DLGAP1: variants seen among roughly 807,000 people sequenced by gnomAD.
DLGAP1 encodes DLG associated protein 1, also known as disks large-associated protein 1.
DLGAP1 carries 11 observed loss-of-function variants against 90.8 expected under a neutral mutation model. The ratio of observed to expected loss-of-function variants is 0.12; its 90% CI spans 0.08 to 0.20. The LOEUF (loss-of-function observed/expected upper bound fraction) is 0.20, where lower values mean the gene tolerates loss of function less well. Ranked by LOEUF, DLGAP1 falls within the 10% of genes least tolerant of loss-of-function variation. The probability of loss-of-function intolerance (pLI) is 1.00; values close to 1 mark genes in which losing one functional copy is unlikely to be tolerated. For missense variants in DLGAP1, 1,050 were observed against 1,333.8 expected (o/e 0.79, Z 3.31); for synonymous variants, 558 against 540.7 (o/e 1.03, Z -0.44).
In DLGAP1 at chr18:3,711,227, A is replaced by C. The variant is rs1293362695; in HGVS notation, c.1591+17908T>G. Among the ~76,000 whole-genome samples, 1 of 152,228 alleles carries C rather than the reference A, an allele frequency of 6.6e-6. No individual in the cohort carries two copies. Among genetic ancestry groups the C allele is most frequent in the East Asian group, 1.9e-4 (1 of 5,188 alleles). On this transcript the variant is annotated intron_variant, in intron 7 of 12. Coordinates refer to ENST00000315677, the MANE Select transcript of DLGAP1 (RefSeq NM_004746.4). This position sits in a 1 kb window ranked among gnomAD's most constrained non-coding sequence, Gnocchi z 4.0. ...TTGTTGTTTCAGGCATTTAAATCTG[A>C]TAAGAACTTGATAACTGGAGAGAAT...
chr18:4,167,942 T>C (rs1051926321), intron 1 of DLGAP1, among the ~76,000 whole-genome samples: 8 of 152,036 alleles, frequency 5.3e-5, no homozygotes, highest in African/African-American at 9.7e-5. Flanking sequence ...TAAAAGAAGA[T>C]TGAAATAAAT....
At chr18:3,921,447 T>C (rs2072267416) in intron 3 of DLGAP1, among the ~76,000 whole-genome samples, 1 of 152,194 alleles carries the variant, frequency 6.6e-6, no homozygotes, top group Non-Finnish European at 1.5e-5. Context: ...ACATGGAATG[T>C]AGACTCAGAA....
At chr18:3,506,617 A>G (rs978887565) in intron 11 of DLGAP1, among the ~76,000 whole-genome samples, 1 of 151,414 alleles carries the variant, frequency 6.6e-6, no homozygotes, top group Non-Finnish European at 1.5e-5. Flanking sequence ...TCTTTAAAAT[A>G]TGTACAATGT....
At chr18:4,442,356 G>A (rs1484986218) in intron 1 of DLGAP1, among the ~76,000 whole-genome samples, 1 of 152,116 alleles carries the variant, frequency 6.6e-6, no homozygotes, top group Non-Finnish European at 1.5e-5. Context: ...TTTACATAAT[G>A]TGCCTAGTGT....
intron 2 of DLGAP1, among the ~76,000 whole-genome samples, chr18:4,047,910 C>T (rs1037426849): frequency 6.6e-6 from 1 of 152,178 alleles, no homozygotes; most frequent in Non-Finnish European, 1.5e-5. Flanking sequence ...ATCCTCCCAC[C>T]TCAACCTCCC....
At chr18:4,197,635 A>G (rs2077525770) in intron 1 of DLGAP1, among the ~76,000 whole-genome samples, 2 of 152,214 alleles carry the variant, frequency 1.3e-5, no homozygotes, top group Non-Finnish European at 2.9e-5. Context: ...GTAATGTTTT[A>G]ATGGGATACA....
chr18:4,426,071 G>T (rs1021919758), intron 1 of DLGAP1, among the ~76,000 whole-genome samples: 3 of 152,074 alleles, frequency 2.0e-5, no homozygotes, highest in African/African-American at 7.3e-5. Context: ...ATGACACCCA[G>T]AACACTATAA....
At chr18:3,762,974 G>GGAT (rs200524624) in intron 5 of DLGAP1, among the ~76,000 whole-genome samples, 2,786 of 152,320 alleles carry the variant, frequency 0.018, 36 homozygotes, top group Non-Finnish European at 0.024. Flanking sequence ...AATCCTGCTA[G>GGAT]GATGCAGCCT....
chr18:3,560,709 T>C (rs996923783), intron 9 of DLGAP1, among the ~76,000 whole-genome samples: 1 of 151,144 alleles, frequency 6.6e-6, no homozygotes, highest in African/African-American at 2.5e-5. Flanking sequence ...CGGATTAACA[T>C]CTACCATATT....
intron 1 of DLGAP1, among the ~76,000 whole-genome samples, chr18:4,231,722 T>G (rs1451184882): frequency 6.6e-6 from 1 of 152,212 alleles, no homozygotes; most frequent in Non-Finnish European, 1.5e-5. Flanking sequence ...AAAACTTTCT[T>G]CATTTAAATC....
At chr18:3,703,177 G>A (rs2061333697) in intron 7 of DLGAP1, among the ~76,000 whole-genome samples, 1 of 152,166 alleles carries the variant, frequency 6.6e-6, no homozygotes, top group Non-Finnish European at 1.5e-5. Flanking sequence ...AATCTTTGAA[G>A]TGGTGTCAAG....
Position 4,409,539 on chromosome 18 carries a change from C to A in DLGAP1, c.-267+45467G>T, listed in dbSNP as rs1297511810. ...ATATAAAATTAATATCGATGAGAGA[C>A]AACGACTTTAGTTATTTCTGTTAAA... On this transcript the variant is annotated intron_variant, in intron 1 of 12. Transcript: ENST00000315677. 9.9e-5 allele frequency among the ~76,000 whole-genome samples: 15 copies of A among 152,144 alleles called. 1 individual carries two copies. Among genetic ancestry groups the A allele is most frequent in the Admixed American group, 9.8e-4 (15 of 15,256 alleles).
chr18:4,082,391 A>G (rs898351941), intron 2 of DLGAP1, among the ~76,000 whole-genome samples: 1 of 150,238 alleles, frequency 6.7e-6, no homozygotes, highest in Non-Finnish European at 1.5e-5. Context: ...CACACCTGTA[A>G]TCCCAGCTAC....
rs2083938610 is a variant in DLGAP1 at position 4,454,978 on chromosome 18, CCAGCCCCGCGGCG to C, written c.-267+15_-267+27del. On this transcript the variant is annotated intron_variant, in intron 1 of 12. Transcript: ENST00000315677. This position sits in a 1 kb window ranked among gnomAD's most constrained non-coding sequence, Gnocchi z 4.7. ...CGCGACCGCCGCCGCCGCGCACGCC[CCAGCCCCGCGGCG>C]CAGCCCGGCGTTACCTGGCCGCGTC... 6.6e-6 allele frequency: 1 copy of C among 150,814 alleles called. No individual in the cohort carries two copies. Among genetic ancestry groups the C allele is most frequent in the Non-Finnish European group, 1.5e-5 (1 of 67,596 alleles). 9.3% of individuals were successfully genotyped at this position (150,814 alleles called of 1,614,324 possible). A position where few individuals can be genotyped will look rare whatever the true frequency, so the allele number is the denominator to read the frequency against.
chr18:4,207,446 T>C (rs2077744522), intron 1 of DLGAP1, among the ~76,000 whole-genome samples: 1 of 152,154 alleles, frequency 6.6e-6, no homozygotes, highest in Admixed American at 6.5e-5. Flanking sequence ...AAGATGCGAT[T>C]TGGGTGGGGA....
rs148837984 is a variant in DLGAP1, at chr18:3,589,342, G to A, written c.1592-7094C>T. 3.8e-3 allele frequency among the ~76,000 whole-genome samples: 579 copies of A among 152,296 alleles called. 11 individuals carry two copies. The highest frequency in any genetic ancestry group is 0.02 in the Admixed American group (304 of 15,290). On this transcript the variant is annotated intron_variant, in intron 7 of 12. Coordinates refer to ENST00000315677, the MANE Select transcript of DLGAP1 (RefSeq NM_004746.4). ...CCTTCAAGTTTAACAGCACACAAGTGTCAGGCGGCCACAAAACAGATGTGA... is the reference window on the plus strand; with the variant it reads ...CCTTCAAGTTTAACAGCACACAAGTATCAGGCGGCCACAAAACAGATGTGA...
At chr18:4,148,441 C>G (rs528421774) in intron 2 of DLGAP1, among the ~76,000 whole-genome samples, 1 of 152,318 alleles carries the variant, frequency 6.6e-6, no homozygotes, top group Admixed American at 6.5e-5. Context: ...AATTGTGATT[C>G]TGGAAGACTT....
At chr18:4,195,158 TAC>T (rs1415446131) in intron 1 of DLGAP1, among the ~76,000 whole-genome samples, 8 of 152,230 alleles carry the variant, frequency 5.3e-5, no homozygotes, top group Non-Finnish European at 7.3e-5. Flanking sequence ...TTTAGAATAC[TAC>T]AGTTTTATCT....
intron 2 of DLGAP1, among the ~76,000 whole-genome samples, chr18:4,085,218 T>A (rs2075665107): frequency 6.6e-6 from 1 of 152,064 alleles, no homozygotes; most frequent in Middle Eastern, 3.2e-3. Context: ...TTTTAAAAAA[T>A]CAGGAAGCTA....
Sources: allele counts gnomAD v4.1 joint callset (sites outside exome capture counted in the v4.1 genomes callset), GRCh38; gene constraint gnomAD v4.1.1; non-coding constraint Gnocchi (gnomAD v3.1); transcripts MANE v1.5; gene names NCBI Gene and HGNC (gene_info 2026-07-23, HGNC 2026-07-21).